Variants in ASS1 observed in about 807,000 individuals in gnomAD.
ASS1 encodes the protein argininosuccinate synthase.
A neutral mutation model predicts 60.5 loss-of-function variants in ASS1; 58 were observed. That is an observed-to-expected ratio of 0.96 (90% CI 0.78 to 1.19). The LOEUF is 1.19. ASS1 is among the 50% of genes most tolerant of loss of function. ASS1 has a pLI of 0.00. For synonymous variants in ASS1, 200 were observed against 206.9 expected (o/e 0.97, Z 0.29); for missense variants, 454 against 547.3 (o/e 0.83, Z 1.70).
In ASS1 at chr9:130,467,650, A is replaced by G. The variant is rs111892527; in HGVS notation, c.495+851A>G. ...CACCATCTGTTGTTTTATTATTAAGAGGGGAGTTTACAAGAGCAAGCCCAT... is the reference window on the plus strand; with the variant it reads ...CACCATCTGTTGTTTTATTATTAAGGGGGGAGTTTACAAGAGCAAGCCCAT... On this transcript the variant is annotated intron_variant, in intron 6 of 14. Transcript: ENST00000352480. 9.2e-5 allele frequency among the ~76,000 whole-genome samples: 14 copies of G among 152,280 alleles called. 1 individual carries two copies. The highest frequency in any genetic ancestry group is 3.1e-4 in the African/African-American group (13 of 41,558).
In ASS1 at chr9:130,478,935, A is replaced by G. The variant is rs1346487606; in HGVS notation, c.689-781A>G. ...TGATTGGCACCCGATGGCTCGCTCC[A>G]TGGTAATGAGCCGGGCAGATGGGTG... On this transcript the variant is annotated intron_variant, in intron 9 of 14. Transcript: ENST00000352480. This position sits in a 1 kb window ranked among gnomAD's most constrained non-coding sequence, Gnocchi z 4.7. Among the ~76,000 whole-genome samples, 1 of 152,210 alleles carries G rather than the reference A, an allele frequency of 6.6e-6. No homozygotes were observed. The highest frequency in any genetic ancestry group is 1.5e-5 in the Non-Finnish European group (1 of 68,034).
At chr9:130,458,677 T>G in intron 4 of ASS1, 88 bp downstream of exon 4, 1 of 1,522,414 alleles carries the variant, frequency 6.6e-7, no homozygotes, top group Non-Finnish European at 8.9e-7. Context: ...GGTTTCCTGG[T>G]GTGCCTCCGG....
At chr9:130,474,779 C>T (rs1026690086) in intron 8 of ASS1, among the ~76,000 whole-genome samples, 1 of 152,258 alleles carries the variant, frequency 6.6e-6, no homozygotes. Context: ...TGGGAACCAG[C>T]ATAAGGTGGC....
chr9:130,486,702 G>A (rs954384684), intron 11 of ASS1, among the ~76,000 whole-genome samples: 9 of 152,208 alleles, frequency 5.9e-5, no homozygotes, highest in African/African-American at 1.9e-4. Flanking sequence ...AATGAAGCGG[G>A]ATGGGCTCTT....
rs940259580 is a variant in ASS1, at chr9:130,491,716, G to A, written c.970+2252G>A. Among the ~76,000 whole-genome samples the A allele has an allele frequency of 2.0e-5, 3 of 152,176 alleles. No individual in the cohort carries two copies. The highest frequency in any genetic ancestry group is 6.5e-5 in the Admixed American group (1 of 15,280). On this transcript the variant is annotated intron_variant, in intron 12 of 14. Coordinates refer to ENST00000352480, the MANE Select transcript of ASS1 (RefSeq NM_054012.4). This position sits in a 1 kb window ranked among gnomAD's most constrained non-coding sequence, Gnocchi z 5.3. Reference sequence around the variant, plus strand: ...TTGAGTCCCTGCTCTGACAGCCAGCGACAAGCCCTCTACATCCCAAACTGA... The same window carrying A: ...TTGAGTCCCTGCTCTGACAGCCAGCAACAAGCCCTCTACATCCCAAACTGA...
chr9:130,466,911 T>A (rs1845757159), intron 6 of ASS1, 112 bp downstream of exon 6: 8 of 1,230,874 alleles, frequency 6.5e-6, no homozygotes, highest in Non-Finnish European at 9.4e-6. Context: ...TGACCCCATG[T>A]GATGGGGGAT....
At chr9:130,474,944 T>C (rs1011169860) in intron 8 of ASS1, among the ~76,000 whole-genome samples, 2 of 152,254 alleles carry the variant, frequency 1.3e-5, no homozygotes. Flanking sequence ...TTCTGGGTTC[T>C]TGTTCCTGCC....
At chr9:130,455,809 G>A (rs1172037278) in intron 3 of ASS1, among the ~76,000 whole-genome samples, 1 of 152,236 alleles carries the variant, frequency 6.6e-6, no homozygotes, top group Non-Finnish European at 1.5e-5. Flanking sequence ...GATCCCCTCT[G>A]TGGGGTGCTT....
intron 1 of ASS1, among the ~76,000 whole-genome samples, chr9:130,448,422 G>GCGCGCGCACA (rs71387350): frequency 7.0e-5 from 10 of 143,386 alleles, no homozygotes; most frequent in South Asian, 4.5e-4. Flanking sequence ...GTGTGCGCGC[G>GCGCGCGCACA]CACACACACA....
At position 130,491,192 on chromosome 9, in the gene ASS1, A is replaced by T. The variant is rs562089940; in HGVS notation, c.970+1728A>T. On this transcript the variant is annotated intron_variant, in intron 12 of 14. Transcript: ENST00000352480. The surrounding 1 kb of genome is among the most constrained non-coding windows in gnomAD (Gnocchi z 5.3). ...CAAGTTTCTGCCCCCGTTCCCAGGG[A>T]CAGACAGGTGCTTAAATACCATTGT... Among the ~76,000 whole-genome samples the T allele has an allele frequency of 3.3e-5, 5 of 152,290 alleles. No homozygotes were observed. Among genetic ancestry groups the T allele is most frequent in the Admixed American group, 6.5e-5 (1 of 15,304 alleles).
chr9:130,448,422 G>GCGCGCGCACACACACA (rs71387350), intron 1 of ASS1, among the ~76,000 whole-genome samples: 1 of 143,296 alleles, frequency 7.0e-6, no homozygotes, highest in African/African-American at 2.8e-5. Flanking sequence ...GTGTGCGCGC[G>GCGCGCGCACACACACA]CACACACACA....
chr9:130,449,849 T>G (rs892533348), intron 1 of ASS1, among the ~76,000 whole-genome samples: 2 of 152,204 alleles, frequency 1.3e-5, no homozygotes, highest in African/African-American at 4.8e-5. Flanking sequence ...CAAAAAAATA[T>G]GCGATTATTT....
chr9:130,479,894 T>G (rs1846125398), intron 10 of ASS1, 94 bp downstream of exon 10: 1 of 1,387,416 alleles, frequency 7.2e-7, no homozygotes, highest in Admixed American at 1.7e-5. Context: ...TGGCTGAGGC[T>G]CAGGGGTGCG....
intron 1 of ASS1, among the ~76,000 whole-genome samples, chr9:130,448,277 C>T (rs929437964): frequency 6.6e-6 from 1 of 152,094 alleles, no homozygotes; most frequent in African/African-American, 2.4e-5. Context: ...CATTTCTCTG[C>T]ATGCATACAC....
At chr9:130,500,927 G>A in intron 14 of ASS1, 49 bp from the exon 15 acceptor site, 2 of 1,586,868 alleles carry the variant, frequency 1.3e-6, no homozygotes, top group South Asian at 1.1e-5. Context: ...CCCAGTGTGT[G>A]TTGTTATTGT....
At chr9:130,496,439 G>A (rs73544080) in intron 13 of ASS1, among the ~76,000 whole-genome samples, 5,193 of 151,346 alleles carry the variant, frequency 0.034, 309 homozygotes, top group African/African-American at 0.12. Flanking sequence ...AATACATAAA[G>A]TATTAGCCAG....
intron 1 of ASS1, among the ~76,000 whole-genome samples, chr9:130,449,769 T>C (rs374793863): frequency 6.6e-6 from 1 of 152,168 alleles, no homozygotes; most frequent in African/African-American, 2.4e-5. Context: ...AAGACGGACA[T>C]GTCTATTCCC....
Position 130,489,497 on chromosome 9 carries a change from C to T in ASS1, c.970+33C>T, listed in dbSNP as rs369830305. The T allele has an allele frequency of 8.7e-6, 14 of 1,613,762 alleles. No homozygotes were observed. The highest frequency in any genetic ancestry group is 2.2e-5 in the South Asian group (2 of 91,082). On this transcript the variant is annotated intron_variant, in intron 12 of 14. Coordinates refer to ENST00000352480, the MANE Select transcript of ASS1 (RefSeq NM_054012.4). This position sits in a 1 kb window ranked among gnomAD's most constrained non-coding sequence, Gnocchi z 4.1. ...AGACTCTATGGCTGCCCCCTCTAAC[C>T]GCCTCACAAGGGATCCCAAAGTACT...
At chr9:130,445,352 C>T (rs968537697) in intron 1 of ASS1, among the ~76,000 whole-genome samples, 2 of 152,134 alleles carry the variant, frequency 1.3e-5, no homozygotes, top group African/African-American at 4.8e-5. Context: ...GTGAAGCCCC[C>T]ACATGGAGAC....
Sources: allele counts gnomAD v4.1 joint callset (sites outside exome capture counted in the v4.1 genomes callset), GRCh38; gene constraint gnomAD v4.1.1; non-coding constraint Gnocchi (gnomAD v3.1); transcripts MANE v1.5; gene names NCBI Gene and HGNC (gene_info 2026-07-23, HGNC 2026-07-21).